MAPT: variants seen among roughly 807,000 people sequenced by gnomAD.
MAPT encodes microtubule-associated protein tau.
MAPT carries 34 observed loss-of-function variants against 67.9 expected under a neutral mutation model. That is an observed-to-expected ratio of 0.50 (90% CI 0.38 to 0.67). MAPT has a LOEUF of 0.67. Among genes scored for constraint, MAPT ranks in the 30% least tolerant of loss-of-function variants. The pLI, the probability that MAPT is intolerant of heterozygous loss-of-function variation, is 0.00. For missense variants in MAPT, 881 were observed against 1,115.2 expected (o/e 0.79, Z 2.99); for synonymous variants, 456 against 464.5 (o/e 0.98, Z 0.23).
intron 9 of MAPT, among the ~76,000 whole-genome samples, chr17:46,000,240 C>A (rs1424005292): frequency 3.3e-5 from 5 of 152,226 alleles, no homozygotes; most frequent in African/African-American, 1.2e-4. Flanking sequence ...TGCTGCAAAT[C>A]ATTGGGGGAA....
intron 1 of MAPT, among the ~76,000 whole-genome samples, chr17:45,936,116 C>T (rs1251664474): frequency 6.6e-6 from 1 of 152,112 alleles, no homozygotes; most frequent in Non-Finnish European, 1.5e-5. Flanking sequence ...ACCGAGGGGT[C>T]ACTTTGCTCT....
chr17:46,000,694 C>T (rs915424639), intron 9 of MAPT, among the ~76,000 whole-genome samples: 2 of 152,178 alleles, frequency 1.3e-5, no homozygotes, highest in Non-Finnish European at 2.9e-5. Flanking sequence ...TTACTGCTGA[C>T]ACCTACCCTC....
At chr17:45,943,294 A>G (rs1035489875) in intron 1 of MAPT, among the ~76,000 whole-genome samples, 2 of 152,130 alleles carry the variant, frequency 1.3e-5, no homozygotes, top group Non-Finnish European at 2.9e-5. Flanking sequence ...GCCTCAAGTG[A>G]TCTGCCTACC....
chr17:45,991,486 C>T lies in MAPT; in HGVS notation c.1632C>T (p.Ala544=), dbSNP rs757701420. ...GGGCTGATGGTAAAACGAAGATCGC[C>T]ACACCGCGGGGAGCAGCCCCTCCAG... ...LKGADGKTKI[A]TPRGAAPPGQ... is the part of the protein sequence containing the mutation. The change falls in exon 8 of 13, where the codon GCC becomes GCT. Residue 544 remains alanine (A), a synonymous_variant. Transcript: ENST00000262410. 3 of 1,614,228 alleles carry T rather than the reference C, an allele frequency of 1.9e-6. No individual in the cohort carries two copies. The Admixed American group carries it at 5.0e-5, about 27-fold the overall frequency.
chr17:46,002,326 TG>T (rs1399970736), intron 9 of MAPT, among the ~76,000 whole-genome samples: 2 of 151,636 alleles, frequency 1.3e-5, no homozygotes, highest in African/African-American at 4.8e-5. Flanking sequence ...CAGCCCTTCT[TG>T]GGGGGTCGCT....
At chr17:45,930,407 CAAAAAAAAAA>C (rs67120979) in intron 1 of MAPT, among the ~76,000 whole-genome samples, 1 of 81,964 alleles carries the variant, frequency 1.2e-5, no homozygotes, top group Non-Finnish European at 2.3e-5. Context: ...ATTCTGTCTC[CAAAAAAAAAA>C]AAAAAAAGAA....
At chr17:45,931,680 GTATT>G (rs1421273651) in intron 1 of MAPT, 2 of 152,184 alleles carry the variant, frequency 1.3e-5, no homozygotes, top group Admixed American at 6.5e-5. Context: ...ACTTAAAATG[GTATT>G]TAAACTCAGC....
At chr17:45,904,151 TG>T (rs2064021498) in intron 1 of MAPT, among the ~76,000 whole-genome samples, 2 of 29,920 alleles carry the variant, frequency 6.7e-5, no homozygotes, top group Admixed American at 6.8e-4. Flanking sequence ...ATATTATATA[TG>T]TTATATATTA....
intron 1 of MAPT, among the ~76,000 whole-genome samples, chr17:45,926,957 G>A (rs558668151): frequency 3.3e-3 from 351 of 107,326 alleles, no homozygotes; most frequent in African/African-American, 8.5e-3. Flanking sequence ...ACATATATGT[G>A]TATATATATA....
intron 1 of MAPT, among the ~76,000 whole-genome samples, chr17:45,933,276 C>T (rs1313467119): frequency 1.4e-5 from 2 of 141,066 alleles, no homozygotes; most frequent in African/African-American, 5.1e-5. Flanking sequence ...GAGTCTCTCT[C>T]TCTGTCACCC....
At chr17:45,917,959 G>C (rs2065352009) in intron 1 of MAPT, among the ~76,000 whole-genome samples, 1 of 152,088 alleles carries the variant, frequency 6.6e-6, no homozygotes, top group Non-Finnish European at 1.5e-5. Context: ...TATTAGTAGA[G>C]ACGGGGGTTT....
chr17:45,907,472 CTG>C (rs947898507), intron 1 of MAPT, among the ~76,000 whole-genome samples: 4 of 152,194 alleles, frequency 2.6e-5, no homozygotes, highest in African/African-American at 7.2e-5. Flanking sequence ...AGGGCAAGGA[CTG>C]TGTCTTATGT....
intron 1 of MAPT, among the ~76,000 whole-genome samples, chr17:45,910,503 GGTC>G (rs2064695000): frequency 6.6e-6 from 1 of 151,834 alleles, no homozygotes; most frequent in South Asian, 2.1e-4. Context: ...TTAGCCTAGG[GGTC>G]CTACCCTTTA....
At chr17:45,974,673 C>T (rs2072129859) in intron 3 of MAPT, 1 of 593,380 alleles carries the variant, frequency 1.7e-6, no homozygotes, top group Non-Finnish European at 3.0e-6. Context: ...CTGCCAGCCT[C>T]TCAGAGCATT....
chr17:46,017,169 G>A (rs991555478), intron 11 of MAPT, among the ~76,000 whole-genome samples: 5 of 152,326 alleles, frequency 3.3e-5, no homozygotes, highest in Admixed American at 2.6e-4. Context: ...GAGAGCAGCT[G>A]GGAGCTGCTT....
intron 1 of MAPT, among the ~76,000 whole-genome samples, chr17:45,948,422 A>G (rs751591191): frequency 2.6e-5 from 4 of 152,162 alleles, no homozygotes; most frequent in Non-Finnish European, 4.4e-5. Context: ...CTGCCCTAAC[A>G]TTTATCTTTA....
At chr17:46,018,082 T>C (rs2076299506) in intron 11 of MAPT, among the ~76,000 whole-genome samples, 1 of 151,026 alleles carries the variant, frequency 6.6e-6, no homozygotes, top group Non-Finnish European at 1.5e-5. Context: ...GAGGCGGAGC[T>C]TGCAGTGAGC....
intron 11 of MAPT, 37 bp downstream of exon 11, chr17:46,014,361 T>C: frequency 7.0e-7 from 1 of 1,438,416 alleles, no homozygotes; most frequent in Non-Finnish European, 9.8e-7. Flanking sequence ...GACGGGAGGG[T>C]GCAGGGGGTG....
rs2067993750 is a variant in MAPT at position 45,941,717 on chromosome 17, T to TCCTTCCTTCCTTCCTTCCTG, written c.-17-20585_-17-20584insGCCTTCCTTCCTTCCTTCCT. The stretch of plus-strand genomic sequence containing the variant: ...TTCCTTCCTGCCTGCCTTCCTTCCT[T>TCCTTCCTTCCTTCCTTCCTG]CCTTCCTTCCTTCCTTCCTTCCTTC... On this transcript the variant is annotated intron_variant, in intron 1 of 12. Transcript: ENST00000262410. Among the ~76,000 whole-genome samples, 30 of 88,410 alleles carry TCCTTCCTTCCTTCCTTCCTG rather than the reference T, an allele frequency of 3.4e-4. 1 individual carries two copies. The highest frequency in any genetic ancestry group is 1.3e-3 in the South Asian group (3 of 2,288). The allele number at this position is 88,410 out of a possible 152,430, so 58.0% of individuals were successfully genotyped here.
Sources: gnomAD v4.1 joint callset for allele counts (sites outside exome capture counted in the v4.1 genomes callset) on GRCh38, gnomAD v4.1.1 for gene constraint, MANE v1.5 for transcripts, NCBI Gene and HGNC (gene_info 2026-07-23, HGNC 2026-07-21) for gene names.